ABCB1: variants seen among roughly 807,000 people sequenced by gnomAD.
ABCB1 encodes ATP binding cassette subfamily B member 1, also known as ATP-dependent translocase ABCB1.
In ABCB1, 69 loss-of-function variants were observed where a neutral mutation model predicts 142.0. The ratio of observed to expected loss-of-function variants is 0.49; its 90% CI spans 0.40 to 0.59. ABCB1 has a LOEUF of 0.59. Ranked by LOEUF, ABCB1 falls within the 20% of genes least tolerant of loss-of-function variation. The pLI, the probability that ABCB1 is intolerant of heterozygous loss-of-function variation, is 0.00. For synonymous variants in ABCB1, 532 were observed against 539.2 expected (o/e 0.99, Z 0.18); for missense variants, 1,326 against 1,554.7 (o/e 0.85, Z 2.47).
chr7:87,608,482 G>T (rs1210964523), intron 1 of ABCB1, among the ~76,000 whole-genome samples: 1 of 152,150 alleles, frequency 6.6e-6, no homozygotes, highest in Non-Finnish European at 1.5e-5. Flanking sequence ...AAATTCCTTT[G>T]ACATTCAACA....
chr7:87,641,667 T>A lies in ABCB1; in HGVS notation c.-330-40589A>T, dbSNP rs117276096. 5.1e-3 allele frequency among the ~76,000 whole-genome samples: 773 copies of A among 152,312 alleles called. 4 individuals are homozygous for A. Among genetic ancestry groups the A allele is most frequent in the Middle Eastern group, 0.014 (4 of 294 alleles). On this transcript the variant is annotated intron_variant, in intron 1 of 28. Coordinates refer to the ABCB1 transcript ENST00000265724. ...CTTCCTCTTTTACTCTGACACTAGA[T>A]TGCATATTCAAAAACAAATCCTCCA...
upstream of ABCB1, chr7:87,603,287 C>G (rs928352538): frequency 6.6e-6 from 1 of 152,190 alleles, no homozygotes; most frequent in African/African-American, 2.4e-5. Context: ...ATTTTTGTTA[C>G]TCCCATATTA....
upstream of ABCB1, among the ~76,000 whole-genome samples, chr7:87,602,668 G>T (rs1819506725): frequency 6.6e-6 from 1 of 152,028 alleles, no homozygotes; most frequent in African/African-American, 2.4e-5. Flanking sequence ...CTACAATCTT[G>T]AGCATCAGGT....
chr7:87,554,257 T>C (rs746293925), intron 8 of ABCB1, among the ~76,000 whole-genome samples: 8 of 151,284 alleles, frequency 5.3e-5, no homozygotes, highest in Non-Finnish European at 8.8e-5. Context: ...GTAAAAGCCA[T>C]GGAAAAAACC....
chr7:87,622,557 T>A (rs1239368203), intron 1 of ABCB1, among the ~76,000 whole-genome samples: 3 of 152,172 alleles, frequency 2.0e-5, no homozygotes, highest in Non-Finnish European at 2.9e-5. Flanking sequence ...ACTTTCTGAA[T>A]AAAAAATGAA....
chr7:87,707,604 G>A (rs1223999054), intron 1 of ABCB1, among the ~76,000 whole-genome samples: 1 of 152,052 alleles, frequency 6.6e-6, no homozygotes, highest in Non-Finnish European at 1.5e-5. Flanking sequence ...AGCTTGTGAG[G>A]CAGAGGTTGC....
At chr7:87,686,858 T>C (rs1827513752) in intron 1 of ABCB1, among the ~76,000 whole-genome samples, 1 of 146,654 alleles carries the variant, frequency 6.8e-6, no homozygotes, top group South Asian at 2.2e-4. Flanking sequence ...GGTGGGAGGG[T>C]CACCTGAGCC....
At chr7:87,506,103 C>T in intron 26 of ABCB1, 60 bp from the exon 27 acceptor site, 2 of 1,565,534 alleles carry the variant, frequency 1.3e-6, no homozygotes, top group Non-Finnish European at 8.8e-7. Context: ...TAACAGCTTG[C>T]TTATAGAAAG....
chr7:87,617,851 A>G (rs571066090), intron 1 of ABCB1, among the ~76,000 whole-genome samples: 89 of 152,250 alleles, frequency 5.8e-4, no homozygotes, highest in Non-Finnish European at 9.3e-4. Flanking sequence ...GTGATCAGTG[A>G]GCCTGTGAAT....
At chr7:87,523,108 T>C (rs1815595731) in intron 21 of ABCB1, among the ~76,000 whole-genome samples, 1 of 146,872 alleles carries the variant, frequency 6.8e-6, no homozygotes, top group Non-Finnish European at 1.5e-5. Context: ...GAAAACTAAC[T>C]TTTTTTTTTA....
chr7:87,584,306 G>A (rs1818640002), intron 4 of ABCB1, among the ~76,000 whole-genome samples: 1 of 152,180 alleles, frequency 6.6e-6, no homozygotes, highest in African/African-American at 2.4e-5. Context: ...TTCTGGGGAA[G>A]CAATTCATTG....
At chr7:87,678,808 C>A (rs1826630285) in intron 1 of ABCB1, among the ~76,000 whole-genome samples, 1 of 152,034 alleles carries the variant, frequency 6.6e-6, no homozygotes, top group Non-Finnish European at 1.5e-5. Context: ...GATTTCAGAA[C>A]AAAGAAAACT....
intron 1 of ABCB1, among the ~76,000 whole-genome samples, chr7:87,710,027 G>A (rs1829927124): frequency 6.6e-6 from 1 of 152,004 alleles, no homozygotes; most frequent in South Asian, 2.1e-4. Context: ...AGAATTCTCT[G>A]GGGACACCCA....
intron 1 of ABCB1, among the ~76,000 whole-genome samples, chr7:87,709,851 A>C (rs1440180700): frequency 6.6e-6 from 1 of 152,220 alleles, no homozygotes; most frequent in Non-Finnish European, 1.5e-5. Context: ...TCTTACTACA[A>C]ATATGATCTC....
At chr7:87,657,869 C>T (rs1024854843) in intron 1 of ABCB1, among the ~76,000 whole-genome samples, 2 of 152,150 alleles carry the variant, frequency 1.3e-5, no homozygotes, top group African/African-American at 4.8e-5. Flanking sequence ...ACTTCATCCT[C>T]CACTTGGCAG....
intron 26 of ABCB1, 177 bp from the exon 27 acceptor site, chr7:87,506,220 C>A (rs1814734368): frequency 4.8e-6 from 3 of 626,256 alleles, no homozygotes; most frequent in Non-Finnish European, 8.3e-6. Context: ...GGCAGGTTTA[C>A]TATCTATTTG....
chr7:87,670,896 C>A (rs1468139523), intron 1 of ABCB1, among the ~76,000 whole-genome samples: 1 of 152,186 alleles, frequency 6.6e-6, no homozygotes, highest in Non-Finnish European at 1.5e-5. Flanking sequence ...GTGTGAGTTT[C>A]TCTCCCCCTT....
intron 1 of ABCB1, among the ~76,000 whole-genome samples, chr7:87,637,945 C>T (rs1046344301): frequency 6.6e-6 from 1 of 151,846 alleles, no homozygotes; most frequent in African/African-American, 2.4e-5. Context: ...TTGCAGAAAA[C>T]GTTCAAAATT....
At chr7:87,553,422 G>A (rs575492128) in intron 9 of ABCB1, among the ~76,000 whole-genome samples, 1 of 147,552 alleles carries the variant, frequency 6.8e-6, no homozygotes, top group South Asian at 2.1e-4. Flanking sequence ...CCGGGTTAAC[G>A]CCATTCTCTT....
Sources: allele counts gnomAD v4.1 joint callset (sites outside exome capture counted in the v4.1 genomes callset), GRCh38; gene constraint gnomAD v4.1.1; transcripts MANE v1.5; gene names NCBI Gene and HGNC (gene_info 2026-07-23, HGNC 2026-07-21).